The following DDHD1 variants were observed in gnomAD, a reference collection of about 807,000 sequenced individuals.
DDHD1 encodes DDHD domain containing 1, also known as phospholipase DDHD1.
Under a neutral mutation model 96.4 loss-of-function variants are expected in DDHD1, and 49 were observed. The ratio of observed to expected loss-of-function variants is 0.51; its 90% CI spans 0.40 to 0.64. The LOEUF (loss-of-function observed/expected upper bound fraction) is 0.64, where lower values mean the gene tolerates loss of function less well. Ranked by LOEUF, DDHD1 falls within the 30% of genes least tolerant of loss-of-function variation. The pLI is 0.00. For synonymous variants in DDHD1, 442 were observed against 446.5 expected, an observed-to-expected ratio of 0.99 and a Z score of 0.13; for missense variants, 1,106 against 1,161.2, an observed-to-expected ratio of 0.95 and a Z score of 0.69.
chr14:53,146,711 G>T (rs969718990), intron 1 of DDHD1, among the ~76,000 whole-genome samples: 1 of 152,016 alleles, frequency 6.6e-6, no homozygotes, highest in Admixed American at 6.6e-5. Flanking sequence ...TCTGCATTGT[G>T]GTTTTCTTCC....
intron 2 of DDHD1, among the ~76,000 whole-genome samples, chr14:53,100,914 T>A (rs935239521): frequency 1.3e-5 from 2 of 152,244 alleles, no homozygotes; most frequent in African/African-American, 2.4e-5. Context: ...TCTACTACTA[T>A]GTCTTCTTGT....
intron 4 of DDHD1, among the ~76,000 whole-genome samples, chr14:53,077,554 T>G (rs2139934689): frequency 6.6e-6 from 1 of 152,292 alleles, no homozygotes; most frequent in Non-Finnish European, 1.5e-5. Context: ...TTAAGCATAT[T>G]TGATGCATAT....
At chr14:53,056,414 T>A (rs765205204) in intron 9 of DDHD1, among the ~76,000 whole-genome samples, 32 of 152,128 alleles carry the variant, frequency 2.1e-4, no homozygotes, top group Non-Finnish European at 2.5e-4. Context: ...ATCCCCCAAA[T>A]TCATATTCTG....
At chr14:53,093,988 A>T (rs1451643604) in intron 2 of DDHD1, 1 of 152,882 alleles carries the variant, frequency 6.5e-6, no homozygotes, top group East Asian at 1.9e-4. Context: ...ATCCTGGCTA[A>T]CACGGTGAAA....
At chr14:53,101,898 A>C (rs924394057) in intron 2 of DDHD1, among the ~76,000 whole-genome samples, 2 of 151,986 alleles carry the variant, frequency 1.3e-5, no homozygotes, top group Non-Finnish European at 2.9e-5. Context: ...TAATCTCCAC[A>C]GGGTGACTTA....
chr14:53,080,152 G>A (rs1315743763), intron 4 of DDHD1, among the ~76,000 whole-genome samples: 2 of 152,170 alleles, frequency 1.3e-5, no homozygotes, highest in African/African-American at 4.8e-5. Context: ...TTGAGGTCAG[G>A]AGTCTGAGAC....
intron 6 of DDHD1, among the ~76,000 whole-genome samples, chr14:53,069,796 T>C (rs28425703): frequency 0.033 from 5,083 of 152,270 alleles, 292 homozygotes; most frequent in African/African-American, 0.11. Context: ...TTATTTTTAA[T>C]GAGTATGAAA....
In DDHD1 at chr14:53,051,932, G is replaced by GAA. The variant is rs373320739; in HGVS notation, c.2438-7_2438-6dup. On this transcript the variant is annotated splice_region_variant and splice_polypyrimidine_tract_variant and intron_variant, in intron 11 of 12. Transcript: ENST00000673822. Reference sequence around the variant, plus strand: ...ACGATTCTTGAAGTCTGAAATCTGTGAAAAAAAAACACAAGATGCTGTAAA... The same window carrying GAA: ...ACGATTCTTGAAGTCTGAAATCTGTGAAAAAAAAAAACACAAGATGCTGTAAA... 3.2e-6 allele frequency: 5 copies of GAA among 1,539,512 alleles called. No individual in the cohort carries two copies. Among genetic ancestry groups the GAA allele is most frequent in the Non-Finnish European group, 4.4e-6 (5 of 1,136,606 alleles).
intron 1 of DDHD1, among the ~76,000 whole-genome samples, chr14:53,151,978 G>T (rs1891415959): frequency 6.6e-6 from 1 of 152,156 alleles, no homozygotes; most frequent in Non-Finnish European, 1.5e-5. Flanking sequence ...CTGCGGATCC[G>T]GTCCTGGATC....
rs10136908 is a variant in DDHD1 at position 53,152,022 on chromosome 14, C to G, written c.838+239G>C. ...GGGATGGCAGCAGCACCCGGCTCAC[C>G]CAGGAGGCGCTACCCCCGAAGGTAT... On this transcript the variant is annotated intron_variant, in intron 1 of 12. Coordinates refer to ENST00000673822, the MANE Select transcript of DDHD1 (RefSeq NM_001160148.2). 0.031 allele frequency among the ~76,000 whole-genome samples: 4,681 copies of G among 152,246 alleles called. 238 individuals are homozygous for G. The highest frequency in any genetic ancestry group is 0.1 in the African/African-American group (4,331 of 41,520).
At chr14:53,064,664 CA>C (rs1883870104) in intron 6 of DDHD1, among the ~76,000 whole-genome samples, 1 of 152,078 alleles carries the variant, frequency 6.6e-6, no homozygotes, top group African/African-American at 2.4e-5. Flanking sequence ...TTGATGATGT[CA>C]TCTGTTTTAA....
intron 6 of DDHD1, among the ~76,000 whole-genome samples, chr14:53,064,860 C>T (rs111612086): frequency 2.2e-3 from 328 of 152,178 alleles, no homozygotes; most frequent in African/African-American, 7.6e-3. Context: ...GTATCTCATC[C>T]GCTCATCAGT....
At chr14:53,104,378 T>G (rs992108539) in intron 1 of DDHD1, among the ~76,000 whole-genome samples, 3 of 152,238 alleles carry the variant, frequency 2.0e-5, no homozygotes, top group Non-Finnish European at 2.9e-5. Flanking sequence ...ATGTATATAA[T>G]TGAGACTCTG....
intron 1 of DDHD1, among the ~76,000 whole-genome samples, chr14:53,134,160 G>T (rs534332685): frequency 6.6e-6 from 1 of 152,140 alleles, no homozygotes; most frequent in Non-Finnish European, 1.5e-5. Flanking sequence ...TACTTGGACT[G>T]TGCCCCAAAA....
chr14:53,118,573 T>A (rs537343237), intron 1 of DDHD1, among the ~76,000 whole-genome samples: 6 of 151,970 alleles, frequency 3.9e-5, no homozygotes, highest in African/African-American at 1.2e-4. Flanking sequence ...TGACTGAAGA[T>A]CAAATTAATG....
At chr14:53,151,537 C>T (rs59103973) in intron 1 of DDHD1, among the ~76,000 whole-genome samples, 1,595 of 152,332 alleles carry the variant, frequency 0.01, 31 homozygotes, top group African/African-American at 0.035. Flanking sequence ...AGTATATTTT[C>T]TAATTTACTT....
intron 1 of DDHD1, among the ~76,000 whole-genome samples, chr14:53,136,160 T>C (rs1439174353): frequency 6.6e-6 from 1 of 152,122 alleles, no homozygotes; most frequent in Non-Finnish European, 1.5e-5. Context: ...AAAACATTGC[T>C]CCTACCTCCA....
chr14:53,104,944 C>G (rs779567745), intron 1 of DDHD1, among the ~76,000 whole-genome samples: 13 of 151,932 alleles, frequency 8.6e-5, no homozygotes, highest in Non-Finnish European at 1.6e-4. Context: ...AAAAGAACTG[C>G]AAACATCTTA....
At chr14:53,150,098 G>T (rs993731109) in intron 1 of DDHD1, 8 of 152,114 alleles carry the variant, frequency 5.3e-5, no homozygotes, top group African/African-American at 1.9e-4. Context: ...GGTCTCTGTG[G>T]TTGGTCAAAG....
Sources: allele counts gnomAD v4.1 joint callset (sites outside exome capture counted in the v4.1 genomes callset), GRCh38; gene constraint gnomAD v4.1.1; transcripts MANE v1.5; gene names NCBI Gene and HGNC (gene_info 2026-07-23, HGNC 2026-07-21).